EBF1: variants seen among roughly 807,000 people sequenced by gnomAD.
The protein encoded by EBF1 is EBF transcription factor 1.
A neutral mutation model predicts 68.4 loss-of-function variants in EBF1; 10 were observed. The observed-to-expected ratio is 0.15, with a 90% CI of 0.09 to 0.25. The LOEUF (loss-of-function observed/expected upper bound fraction) is 0.25. EBF1 is among the 10% of genes least tolerant of loss of function. The probability of loss-of-function intolerance (pLI) is 1.00; values close to 1 mark genes in which losing one functional copy is unlikely to be tolerated. For synonymous variants in EBF1, 298 were observed against 299.8 expected, an observed-to-expected ratio of 0.99 and a Z score of 0.06; for missense variants, 509 against 794.4, an observed-to-expected ratio of 0.64 and a Z score of 4.32.
chr5:159,046,804 C>T (rs1487412099), intron 6 of EBF1, among the ~76,000 whole-genome samples: 1 of 152,146 alleles, frequency 6.6e-6, no homozygotes, highest in Non-Finnish European at 1.5e-5. Flanking sequence ...GTGGAGGGAG[C>T]CCGGCTCTGT....
At chr5:158,869,050 A>G (rs1796414471) in intron 6 of EBF1, among the ~76,000 whole-genome samples, 1 of 152,070 alleles carries the variant, frequency 6.6e-6, no homozygotes, top group South Asian at 2.1e-4. Flanking sequence ...TCCGTCCAGG[A>G]CTGGTGTTTT....
intron 6 of EBF1, among the ~76,000 whole-genome samples, chr5:158,947,757 A>C (rs752311037): frequency 2.6e-5 from 4 of 152,344 alleles, no homozygotes; most frequent in Non-Finnish European, 4.4e-5. Context: ...AAGGAGAAGT[A>C]ATCATGTCTG....
At chr5:158,994,130 G>A (rs1413277763) in intron 6 of EBF1, among the ~76,000 whole-genome samples, 1 of 152,142 alleles carries the variant, frequency 6.6e-6, no homozygotes, top group Non-Finnish European at 1.5e-5. Flanking sequence ...CTTCCTGCAG[G>A]TGGGTGCGTC....
intron 6 of EBF1, among the ~76,000 whole-genome samples, chr5:158,843,645 A>G (rs770771213): frequency 2.0e-5 from 3 of 152,216 alleles, no homozygotes; most frequent in Non-Finnish European, 4.4e-5. Context: ...TATGTGGAAA[A>G]GACGCTCTGA....
chr5:158,705,212 C>A (rs571754352), intron 15 of EBF1, among the ~76,000 whole-genome samples: 11 of 152,156 alleles, frequency 7.2e-5, no homozygotes, highest in African/African-American at 1.9e-4. Context: ...AAGACCTGAC[C>A]TCAGGTGATC....
At chr5:158,871,562 A>C (rs1294594276) in intron 6 of EBF1, among the ~76,000 whole-genome samples, 1 of 152,240 alleles carries the variant, frequency 6.6e-6, no homozygotes, top group African/African-American at 2.4e-5. Context: ...TTTAACAAGC[A>C]GTCTTCTTTA....
intron 6 of EBF1, among the ~76,000 whole-genome samples, chr5:158,948,717 C>A (rs1815364097): frequency 2.0e-5 from 3 of 152,164 alleles, no homozygotes; most frequent in Admixed American, 2.0e-4. Context: ...AGTCTCCAGC[C>A]CTGCTCAGCG....
At chr5:158,941,257 C>G (rs975900222) in intron 6 of EBF1, 1 of 455,848 alleles carries the variant, frequency 2.2e-6, no homozygotes, top group African/African-American at 2.0e-5. Flanking sequence ...TAGACCCAAA[C>G]AATGCAGACT....
intron 6 of EBF1, among the ~76,000 whole-genome samples, chr5:158,867,653 C>CCTT (rs397747100): frequency 6.6e-6 from 1 of 152,018 alleles, no homozygotes; most frequent in Admixed American, 6.6e-5. Context: ...AGACAATTCT[C>CCTT]ACCTGCCTTA....
At chr5:158,824,862 T>C (rs987861214) in intron 7 of EBF1, among the ~76,000 whole-genome samples, 20 of 152,242 alleles carry the variant, frequency 1.3e-4, no homozygotes, top group African/African-American at 4.6e-4. Context: ...ACGATGAATT[T>C]CCTTTCCCAG....
intron 9 of EBF1, among the ~76,000 whole-genome samples, chr5:158,788,080 C>T (rs1005447664): frequency 9.2e-5 from 14 of 152,032 alleles, no homozygotes; most frequent in African/African-American, 2.9e-4. Flanking sequence ...TTCACTAATG[C>T]CTCAGAAGTG....
At chr5:158,741,791 G>A (rs564102393) in intron 10 of EBF1, among the ~76,000 whole-genome samples, 1 of 152,244 alleles carries the variant, frequency 6.6e-6, no homozygotes, top group African/African-American at 2.4e-5. Flanking sequence ...AATGCTAAGT[G>A]CCACAATGAA....
chr5:158,883,709 T>C (rs992797378), intron 6 of EBF1, among the ~76,000 whole-genome samples: 2 of 152,248 alleles, frequency 1.3e-5, no homozygotes, highest in Non-Finnish European at 2.9e-5. Flanking sequence ...CGCAGCTTAC[T>C]CAATTCACAG....
intron 6 of EBF1, among the ~76,000 whole-genome samples, chr5:158,982,708 A>G (rs1211012126): frequency 6.6e-6 from 1 of 152,040 alleles, no homozygotes; most frequent in Non-Finnish European, 1.5e-5. Flanking sequence ...TCCCTAGCTA[A>G]ATATAATTTA....
intron 10 of EBF1, among the ~76,000 whole-genome samples, chr5:158,758,985 A>C (rs573379539): frequency 3.3e-5 from 5 of 152,330 alleles, no homozygotes; most frequent in African/African-American, 1.2e-4. Flanking sequence ...TGGCAACTAC[A>C]TGTTTTGTGA....
Position 159,067,667 on chromosome 5 carries a change from C to T in EBF1, c.554+5729G>A, listed in dbSNP as rs979100838. ...AAACTGCACACAAATGTACGGGGCT[C>T]ATCTCATATTCAGAATGGTATTATC... On this transcript the variant is annotated intron_variant, in intron 6 of 15. Coordinates refer to ENST00000313708, the MANE Select transcript of EBF1 (RefSeq NM_024007.5). Among the ~76,000 whole-genome samples, 10 of 152,142 alleles carry T rather than the reference C, an allele frequency of 6.6e-5. 1 individual carries two copies. The highest frequency in any genetic ancestry group is 9.7e-5 in the African/African-American group (4 of 41,424).
At chr5:158,958,619 G>T (rs1817587138) in intron 6 of EBF1, among the ~76,000 whole-genome samples, 1 of 152,018 alleles carries the variant, frequency 6.6e-6, no homozygotes, top group South Asian at 2.1e-4. Flanking sequence ...TAGGCCTGTT[G>T]CTCTCAGCAT....
intron 6 of EBF1, among the ~76,000 whole-genome samples, chr5:159,070,866 C>G (rs990529219): frequency 1.3e-5 from 2 of 152,164 alleles, no homozygotes; most frequent in Admixed American, 1.3e-4. Context: ...AATCTGAAAG[C>G]AAATCAAACC....
chr5:158,736,742 G>A (rs1765266135), intron 10 of EBF1, among the ~76,000 whole-genome samples: 1 of 152,162 alleles, frequency 6.6e-6, no homozygotes, highest in African/African-American at 2.4e-5. Flanking sequence ...GTTAGGCAGA[G>A]CCTTTTTGTT....
Sources: gnomAD v4.1 joint callset for allele counts (sites outside exome capture counted in the v4.1 genomes callset) on GRCh38, gnomAD v4.1.1 for gene constraint, MANE v1.5 for transcripts, NCBI Gene and HGNC (gene_info 2026-07-23, HGNC 2026-07-21) for gene names.